Variants in SNRPN observed in about 807,000 individuals in gnomAD.
SNRPN encodes small nuclear ribonucleoprotein polypeptide N, also known as small nuclear ribonucleoprotein-associated protein N.
In SNRPN, 7 loss-of-function variants were observed where a neutral mutation model predicts 25.2. The observed-to-expected ratio is 0.28, with a 90% confidence interval of 0.16 to 0.52. SNRPN has a LOEUF of 0.52. Among genes scored for constraint, SNRPN ranks in the 20% least tolerant of loss-of-function variants. SNRPN has a pLI of 0.96. For synonymous variants in SNRPN, 124 were observed against 110.6 expected (o/e 1.12, Z -0.76); for missense variants, 196 against 322.5 (o/e 0.61, Z 3.00).
intron 2 of SNRPN, among the ~76,000 whole-genome samples, chr15:24,844,146 G>A (rs1280521672): frequency 6.6e-6 from 1 of 151,916 alleles, no homozygotes; most frequent in African/African-American, 2.4e-5. Context: ...GTGTGTGTGT[G>A]TGTGTTTGTG....
intron 3 of SNRPN, among the ~76,000 whole-genome samples, chr15:24,933,531 A>T (rs903174776): frequency 6.6e-6 from 1 of 152,056 alleles, no homozygotes; most frequent in Non-Finnish European, 1.5e-5. Context: ...TAATCCCAGC[A>T]CTTCAGGATG....
upstream of SNRPN, among the ~76,000 whole-genome samples, chr15:24,953,589 G>T (rs762723991): frequency 7.2e-5 from 11 of 152,160 alleles, no homozygotes; most frequent in Non-Finnish European, 1.6e-4. Flanking sequence ...CCAAAGTGCT[G>T]GGAATACAGG....
intron 1 of SNRPN, chr15:24,958,917 T>G (rs1400247420): frequency 6.5e-6 from 1 of 153,198 alleles, no homozygotes; most frequent in Admixed American, 6.5e-5. Context: ...GGGGTCTCCT[T>G]ATGTTGCCCA....
At position 24,906,356 on chromosome 15, in the gene SNRPN, C is replaced by T. The variant is rs540500117; in HGVS notation, c.-504-13655C>T. Among the ~76,000 whole-genome samples, 3 of 152,260 alleles carry T rather than the reference C, an allele frequency of 2.0e-5. No homozygotes were observed. In the South Asian group the frequency reaches 6.2e-4, roughly 32 times the overall value. On this transcript the variant is annotated intron_variant, in intron 2 of 11. Transcript: ENST00000400097. ...CCTTGTTGCCCAGGCTGGTCTTGAG[C>T]TCCCAAGCTCAACTGATTCACCCAC...
intron 1 of SNRPN, among the ~76,000 whole-genome samples, chr15:24,878,525 T>C (rs1221259718): frequency 6.6e-6 from 1 of 152,228 alleles, no homozygotes; most frequent in Non-Finnish European, 1.5e-5. Context: ...GCCGGGAGTC[T>C]CCCTTTCTTC....
At chr15:24,861,221 A>G (rs1445531448) in intron 1 of SNRPN, among the ~76,000 whole-genome samples, 1 of 152,210 alleles carries the variant, frequency 6.6e-6, no homozygotes, top group Non-Finnish European at 1.5e-5. Context: ...ATCTCTGTGC[A>G]AACATGGAGA....
chr15:24,840,857 T>C (rs2051627268), intron 2 of SNRPN, among the ~76,000 whole-genome samples: 1 of 152,108 alleles, frequency 6.6e-6, no homozygotes, highest in African/African-American at 2.4e-5. Context: ...CACTTTTTTC[T>C]TTTTTTCGAG....
intron 2 of SNRPN, among the ~76,000 whole-genome samples, chr15:24,847,113 A>G (rs1470039332): frequency 2.0e-5 from 3 of 152,188 alleles, no homozygotes; most frequent in African/African-American, 7.2e-5. Context: ...CTAGAAAACG[A>G]CATTTTGGCA....
chr15:24,962,761 T>G (rs2075033205), intron 2 of SNRPN, among the ~76,000 whole-genome samples: 1 of 152,174 alleles, frequency 6.6e-6, no homozygotes. Flanking sequence ...TAAAAATAGG[T>G]GAACATTTTA....
chr15:24,907,469 T>G (rs556526733), intron 2 of SNRPN, among the ~76,000 whole-genome samples: 67 of 150,870 alleles, frequency 4.4e-4, no homozygotes, highest in African/African-American at 1.6e-3. Context: ...GTGGTGGCGG[T>G]CGCCTGTAGT....
At chr15:24,975,554 G>T in intron 5 of SNRPN, 45 bp downstream of exon 5, 1 of 1,549,222 alleles carries the variant, frequency 6.5e-7, no homozygotes. Flanking sequence ...AGAGGCAGTG[G>T]GAAGGGAAGG....
At chr15:24,930,990 C>A (rs918681752) in intron 3 of SNRPN, among the ~76,000 whole-genome samples, 1 of 151,848 alleles carries the variant, frequency 6.6e-6, no homozygotes, top group African/African-American at 2.4e-5. Flanking sequence ...CTAGTGGGTG[C>A]AGTGAGCCAA....
At chr15:24,918,538 A>T (rs1014723827) in intron 2 of SNRPN, among the ~76,000 whole-genome samples, 40 of 128,334 alleles carry the variant, frequency 3.1e-4, no homozygotes, top group Non-Finnish European at 9.3e-5. Flanking sequence ...ATATAACATA[A>T]TATATATGTG....
intron 2 of SNRPN, among the ~76,000 whole-genome samples, chr15:24,902,108 G>T (rs986714426): frequency 2.6e-5 from 4 of 152,160 alleles, no homozygotes; most frequent in East Asian, 1.9e-4. Flanking sequence ...TAGCATTTCC[G>T]TTGCATTTTT....
At chr15:24,894,108 A>C (rs938558588) in intron 2 of SNRPN, among the ~76,000 whole-genome samples, 4 of 152,054 alleles carry the variant, frequency 2.6e-5, no homozygotes, top group African/African-American at 4.8e-5. Context: ...TGCAACCCAC[A>C]TGTCTGTCCA....
intron 2 of SNRPN, chr15:24,848,469 C>T (rs1334298454): frequency 6.6e-6 from 1 of 152,126 alleles, no homozygotes; most frequent in Non-Finnish European, 1.5e-5. Context: ...GTATCATTGT[C>T]TTGTTTCTTA....
intron 5 of SNRPN, among the ~76,000 whole-genome samples, chr15:24,976,084 G>A (rs1351587819): frequency 1.3e-5 from 2 of 152,134 alleles, no homozygotes; most frequent in African/African-American, 4.8e-5. Flanking sequence ...TAACATCAAA[G>A]GAACATTCTG....
Position 24,924,649 on chromosome 15 carries a change from CTTTT to C in SNRPN, c.-391+4535_-391+4538del, listed in dbSNP as rs774430880. Among the ~76,000 whole-genome samples the C allele has an allele frequency of 2.1e-5, 3 of 145,374 alleles. No individual in the cohort carries two copies. In the Admixed American group the frequency reaches 2.1e-4, roughly 10 times the overall value. On this transcript the variant is annotated intron_variant, in intron 3 of 11. Coordinates refer to the SNRPN transcript ENST00000400097. ...AGGCATGCACCATCATGCCCGGCTA[CTTTT>C]TTTTTTTTTATTTCTTGCAGAGACA...
intron 1 of SNRPN, among the ~76,000 whole-genome samples, chr15:24,870,696 T>G (rs2055011542): frequency 6.6e-6 from 1 of 151,978 alleles, no homozygotes; most frequent in Non-Finnish European, 1.5e-5. Flanking sequence ...GTTACTTAGG[T>G]CAGTTCTTTC....
Sources: allele counts gnomAD v4.1 joint callset (sites outside exome capture counted in the v4.1 genomes callset), GRCh38; gene constraint gnomAD v4.1.1; transcripts MANE v1.5; gene names NCBI Gene and HGNC (gene_info 2026-07-23, HGNC 2026-07-21).